Variants in ST7 observed in about 807,000 individuals in gnomAD.
The protein encoded by ST7 is suppressor of tumorigenicity 7 protein.
Under a neutral mutation model 78.7 loss-of-function variants are expected in ST7, and 28 were observed. The observed-to-expected ratio is 0.36, with a 90% CI of 0.26 to 0.49. The LOEUF is 0.49. Ranked by LOEUF, ST7 falls within the 20% of genes least tolerant of loss-of-function variation. ST7 has a pLI of 0.99. For missense variants in ST7, 418 were observed against 696.0 expected (o/e 0.60, Z 4.49); for synonymous variants, 247 against 249.6 (o/e 0.99, Z 0.10).
chr7:117,169,167 A>T (rs1200532023), intron 9 of ST7, among the ~76,000 whole-genome samples: 4 of 130,054 alleles, frequency 3.1e-5, no homozygotes, highest in Non-Finnish European at 6.2e-5. Context: ...ACGGAGTCTC[A>T]CTCTGTTGCC....
chr7:116,996,777 A>G (rs1018328778), intron 1 of ST7, among the ~76,000 whole-genome samples: 1 of 152,192 alleles, frequency 6.6e-6, no homozygotes, highest in Non-Finnish European at 1.5e-5. Flanking sequence ...TTTAGATACT[A>G]TTTACACTTT....
intron 1 of ST7, among the ~76,000 whole-genome samples, chr7:117,053,781 A>G (rs1420546033): frequency 1.3e-5 from 2 of 152,028 alleles, no homozygotes; most frequent in Non-Finnish European, 2.9e-5. Flanking sequence ...AGAGTTATGT[A>G]TGGTGTGGGA....
intron 1 of ST7, among the ~76,000 whole-genome samples, chr7:116,977,226 A>T (rs76865517): frequency 0.012 from 1,804 of 152,322 alleles, 18 homozygotes; most frequent in Non-Finnish European, 0.017. Flanking sequence ...TCCATGTAAT[A>T]ATCTAATTTT....
rs965332287 is a variant in ST7, at chr7:117,077,849, T to C, written c.152-21913T>C. 8.1e-4 allele frequency among the ~76,000 whole-genome samples: 121 copies of C among 149,952 alleles called. 1 individual carries two copies. Among genetic ancestry groups the C allele is most frequent in the Non-Finnish European group, 2.1e-4 (14 of 67,434 alleles). On this transcript the variant is annotated intron_variant, in intron 1 of 15. Coordinates refer to ENST00000323984, the MANE Select transcript of ST7 (RefSeq NM_001369598.1). ...AAAGAGGTATTGATTTCTTTCTTTT[T>C]TTTTTTTTTTTTTTGAGACAGGGTC...
At chr7:117,066,543 C>T (rs1049620923) in intron 1 of ST7, among the ~76,000 whole-genome samples, 2 of 152,120 alleles carry the variant, frequency 1.3e-5, no homozygotes, top group East Asian at 1.9e-4. Flanking sequence ...AGGTGGATCA[C>T]GAGGTCAGGA....
intron 1 of ST7, among the ~76,000 whole-genome samples, chr7:117,080,699 C>T (rs1273744855): frequency 6.6e-6 from 1 of 152,150 alleles, no homozygotes; most frequent in African/African-American, 2.4e-5. Context: ...TTCAGAATGA[C>T]TTCAGCAAGT....
intron 2 of ST7, chr7:117,112,482 T>A (rs1802517283): frequency 6.6e-6 from 1 of 152,210 alleles, no homozygotes; most frequent in Non-Finnish European, 1.5e-5. Flanking sequence ...AGCAGTTAAA[T>A]CATGAGATTT....
intron 1 of ST7, among the ~76,000 whole-genome samples, chr7:117,007,502 G>A (rs570335428): frequency 3.3e-5 from 5 of 152,210 alleles, no homozygotes; most frequent in Non-Finnish European, 7.3e-5. Context: ...TAACATAAAA[G>A]TGCAAGGTAA....
intron 1 of ST7, among the ~76,000 whole-genome samples, chr7:117,019,301 C>G (rs983594291): frequency 6.6e-6 from 1 of 152,090 alleles, no homozygotes; most frequent in Non-Finnish European, 1.5e-5. Flanking sequence ...TGTTGGATAG[C>G]TAATGAAAGT....
rs544965015 is a variant in ST7, at chr7:117,089,053, C to A, written c.152-10709C>A. On this transcript the variant is annotated intron_variant, in intron 1 of 15. Transcript: ENST00000323984. ...TATTTTACGTAGTTCCAGTGCACATCTTTTAGGGCTGTACTTAGCACCCTT... is the reference window on the plus strand; with the variant it reads ...TATTTTACGTAGTTCCAGTGCACATATTTTAGGGCTGTACTTAGCACCCTT... Among the ~76,000 whole-genome samples the A allele has an allele frequency of 2.0e-5, 3 of 152,346 alleles. No homozygotes were observed. In the East Asian group the frequency reaches 5.8e-4, roughly 29 times the overall value.
intron 1 of ST7, among the ~76,000 whole-genome samples, chr7:117,069,388 A>G (rs1010077936): frequency 4.6e-5 from 7 of 152,242 alleles, no homozygotes; most frequent in African/African-American, 1.4e-4. Context: ...ATGAATTTCA[A>G]TGGGCATACA....
intron 15 of ST7, among the ~76,000 whole-genome samples, chr7:117,222,512 G>A (rs924962841): frequency 4.6e-5 from 7 of 152,128 alleles, no homozygotes; most frequent in African/African-American, 1.7e-4. Flanking sequence ...GCTTGTCTAA[G>A]GAATGAACAG....
At chr7:117,170,736 C>T (rs961074471) in intron 9 of ST7, 126 bp from the exon 10 acceptor site, 5 of 321,078 alleles carry the variant, frequency 1.6e-5, no homozygotes, top group Non-Finnish European at 2.8e-5. Flanking sequence ...CTCTAGTAAT[C>T]ATTTTACTTT....
At chr7:117,224,680 A>G (rs1303139701) in intron 15 of ST7, among the ~76,000 whole-genome samples, 1 of 152,190 alleles carries the variant, frequency 6.6e-6, no homozygotes, top group African/African-American at 2.4e-5. Flanking sequence ...CCTCCAGTCT[A>G]TATATTCACC....
chr7:117,043,547 G>A, intron 1 of ST7, among the ~76,000 whole-genome samples: 1 of 152,148 alleles, frequency 6.6e-6, no homozygotes, highest in East Asian at 1.9e-4. Context: ...AAGTCAACAA[G>A]CCTTCTCAGA....
intron 1 of ST7, among the ~76,000 whole-genome samples, chr7:117,063,563 G>A (rs1798467336): frequency 6.6e-6 from 1 of 152,096 alleles, no homozygotes; most frequent in Non-Finnish European, 1.5e-5. Context: ...CCAAAAATTA[G>A]CTGGGTGTGG....
At chr7:117,105,997 T>C (rs1015375127) in intron 2 of ST7, among the ~76,000 whole-genome samples, 1 of 144,126 alleles carries the variant, frequency 6.9e-6, no homozygotes, top group African/African-American at 2.9e-5. Flanking sequence ...TTTTTGTTTT[T>C]GTTTTTTTTT....
chr7:117,169,574 C>T (rs1051336284), intron 9 of ST7, among the ~76,000 whole-genome samples: 2 of 152,104 alleles, frequency 1.3e-5, no homozygotes, highest in African/African-American at 4.8e-5. Flanking sequence ...CAGTGTGGAA[C>T]CCGTGGACCA....
chr7:117,079,568 G>C (rs1799603112), intron 1 of ST7, among the ~76,000 whole-genome samples: 2 of 152,084 alleles, frequency 1.3e-5, no homozygotes, highest in Admixed American at 6.5e-5. Context: ...CTATTATTCT[G>C]TCAACTTATT....
Sources: gnomAD v4.1 joint callset for allele counts (sites outside exome capture counted in the v4.1 genomes callset) on GRCh38, gnomAD v4.1.1 for gene constraint, MANE v1.5 for transcripts, NCBI Gene and HGNC (gene_info 2026-07-23, HGNC 2026-07-21) for gene names.